The following NEDD4L variants were observed in gnomAD, a reference collection of about 807,000 sequenced individuals.
NEDD4L encodes NEDD4 like E3 ubiquitin protein ligase.
NEDD4L carries 54 observed loss-of-function variants against 148.9 expected under a neutral mutation model. That is an observed-to-expected ratio of 0.36 (90% CI 0.29 to 0.45). The LOEUF is 0.45. NEDD4L is among the 20% of genes least tolerant of loss of function. The pLI, the probability that NEDD4L is intolerant of heterozygous loss-of-function variation, is 1.00. For missense variants in NEDD4L, 856 were observed against 1,233.8 expected (o/e 0.69, Z 4.59); for synonymous variants, 433 against 440.7 (o/e 0.98, Z 0.22).
At chr18:58,299,087 A>G (rs915794449) in intron 5 of NEDD4L, among the ~76,000 whole-genome samples, 5 of 152,338 alleles carry the variant, frequency 3.3e-5, no homozygotes, top group South Asian at 2.1e-4. Context: ...GCTCAGCACA[A>G]TTTGGTCTTG....
chr18:58,289,378 G>A (rs1452056178), intron 5 of NEDD4L, among the ~76,000 whole-genome samples: 1 of 152,208 alleles, frequency 6.6e-6, no homozygotes, highest in Non-Finnish European at 1.5e-5. Flanking sequence ...CAGCCTTGGA[G>A]TATATGGCCT....
chr18:58,354,234 T>C (rs533119883), intron 18 of NEDD4L, among the ~76,000 whole-genome samples: 3 of 152,298 alleles, frequency 2.0e-5, no homozygotes, highest in African/African-American at 4.8e-5. Context: ...AGCTGAGTAA[T>C]TGGCCACAGG....
In NEDD4L at chr18:58,322,489, G is replaced by C. The variant is rs1239362722; in HGVS notation, c.410+3G>C. Reference sequence around the variant, plus strand: ...GACTTTCTCCTCAGACCAAGAAGGTGAGGCTTGTGGGTATGGGTGGGTGGG... The same window carrying C: ...GACTTTCTCCTCAGACCAAGAAGGTCAGGCTTGTGGGTATGGGTGGGTGGG... On this transcript the variant is annotated splice_donor_region_variant and intron_variant, in intron 7 of 30. Coordinates refer to ENST00000400345, the MANE Select transcript of NEDD4L (RefSeq NM_001144967.3). The C allele has an allele frequency of 6.9e-7, 1 of 1,456,726 alleles. No homozygotes were observed. Among genetic ancestry groups the C allele is most frequent in the East Asian group, 2.3e-5 (1 of 43,344 alleles). The allele number at this position is 1,456,726 out of a possible 1,614,324, so 90.2% of individuals were successfully genotyped here. A position where few individuals can be genotyped will look rare whatever the true frequency, so the allele number is the denominator to read the frequency against.
At chr18:58,150,602 T>C (rs1313501161) in intron 1 of NEDD4L, among the ~76,000 whole-genome samples, 3 of 152,180 alleles carry the variant, frequency 2.0e-5, no homozygotes, top group African/African-American at 7.2e-5. Context: ...AAAAGCACTC[T>C]GATTTGGACT....
At chr18:58,051,653 G>A (rs1349617259) in intron 1 of NEDD4L, among the ~76,000 whole-genome samples, 2 of 152,202 alleles carry the variant, frequency 1.3e-5, no homozygotes, top group African/African-American at 4.8e-5. Flanking sequence ...TCTTAGATGA[G>A]TAGCAGCAGT....
chr18:58,194,005 T>G (rs1385815532), intron 2 of NEDD4L: 1 of 152,324 alleles, frequency 6.6e-6, no homozygotes, highest in Non-Finnish European at 1.5e-5. Context: ...AATTTCATTC[T>G]GTGTCACCGC....
intron 1 of NEDD4L, among the ~76,000 whole-genome samples, chr18:58,095,320 G>A (rs562459693): frequency 2.0e-5 from 3 of 152,326 alleles, no homozygotes; most frequent in South Asian, 2.1e-4. Flanking sequence ...CCAGGTGCTC[G>A]CTCTGGGAAG....
rs572033410 is a variant in NEDD4L, at chr18:58,246,278, G to T, written c.204+770G>T. Among the ~76,000 whole-genome samples the T allele has an allele frequency of 5.9e-5, 9 of 152,060 alleles. No individual in the cohort carries two copies. The South Asian group carries it at 1.9e-3, about 32-fold the overall frequency. ...AATGGAGCTGTTTGTGGAATTGGTAGGCACACCAGGAATAGTTTAACTTGA... is the reference window on the plus strand; with the variant it reads ...AATGGAGCTGTTTGTGGAATTGGTATGCACACCAGGAATAGTTTAACTTGA... On this transcript the variant is annotated intron_variant, in intron 3 of 30. Coordinates refer to ENST00000400345, the MANE Select transcript of NEDD4L (RefSeq NM_001144967.3).
At chr18:58,353,520 C>A (rs544962091) in intron 18 of NEDD4L, among the ~76,000 whole-genome samples, 1 of 152,312 alleles carries the variant, frequency 6.6e-6, no homozygotes, top group South Asian at 2.1e-4. Context: ...ACGTTTCTAC[C>A]ATCGCTCCAT....
intron 20 of NEDD4L, among the ~76,000 whole-genome samples, chr18:58,365,277 A>G (rs950556599): frequency 6.6e-6 from 1 of 152,198 alleles, no homozygotes; most frequent in Non-Finnish European, 1.5e-5. Context: ...TTTGTGAGTC[A>G]TGTCCCCTGG....
intron 1 of NEDD4L, among the ~76,000 whole-genome samples, chr18:58,072,550 A>G (rs375990278): frequency 6.6e-6 from 1 of 152,224 alleles, no homozygotes; most frequent in Non-Finnish European, 1.5e-5. Context: ...GATGAAAACT[A>G]TCAACTAGTA....
chr18:58,177,986 G>A (rs1423461230), intron 2 of NEDD4L, among the ~76,000 whole-genome samples: 1 of 152,152 alleles, frequency 6.6e-6, no homozygotes, highest in East Asian at 1.9e-4. Context: ...CCTGTAAAAA[G>A]CCAGATACTA....
At chr18:58,084,643 C>T (rs572583014) in intron 1 of NEDD4L, among the ~76,000 whole-genome samples, 14 of 151,152 alleles carry the variant, frequency 9.3e-5, no homozygotes, top group Non-Finnish European at 1.8e-4. Context: ...GCCACCTGGC[C>T]ACCTTCTCAC....
Position 58,059,699 on chromosome 18 carries a change from C to G in NEDD4L, c.48+14991C>G, listed in dbSNP as rs566901465. On this transcript the variant is annotated intron_variant, in intron 1 of 30. Coordinates refer to ENST00000400345, the MANE Select transcript of NEDD4L (RefSeq NM_001144967.3). ...ATGTGCTACAGAAACAAACTCACCT[C>G]TTGTGGGACATGGTGACTCTGGTTA... 3.9e-5 allele frequency among the ~76,000 whole-genome samples: 6 copies of G among 152,258 alleles called. No individual in the cohort carries two copies. In the East Asian group the frequency reaches 1.2e-3, roughly 29 times the overall value.
chr18:58,358,125 A>G (rs1417374454), intron 19 of NEDD4L, among the ~76,000 whole-genome samples: 2 of 152,200 alleles, frequency 1.3e-5, no homozygotes, highest in African/African-American at 2.4e-5. Flanking sequence ...TAAAATTCCA[A>G]TTTCATGGCT....
At chr18:58,073,517 A>C (rs1163136949) in intron 1 of NEDD4L, among the ~76,000 whole-genome samples, 1 of 152,264 alleles carries the variant, frequency 6.6e-6, no homozygotes, top group Non-Finnish European at 1.5e-5. Context: ...GTATATCCAT[A>C]CAATGGGATA....
At chr18:58,224,254 G>A (rs900150634) in intron 2 of NEDD4L, among the ~76,000 whole-genome samples, 7 of 152,224 alleles carry the variant, frequency 4.6e-5, no homozygotes, top group African/African-American at 1.4e-4. Flanking sequence ...TGGAAACCCT[G>A]TCACGTTATC....
chr18:58,330,927 C>T lies in NEDD4L; in HGVS notation c.990+13C>T, dbSNP rs765640379. The T allele has an allele frequency of 3.3e-5, 53 of 1,610,936 alleles. No individual in the cohort carries two copies. In the South Asian group the frequency reaches 5.3e-4, roughly 16 times the overall value. ...CAGCTCTTTGATTGTAAGTAGTGGC[C>T]TTGTTTGAAAGAAAAGCTGAGCAAT... On this transcript the variant is annotated intron_variant, in intron 11 of 30. Coordinates refer to ENST00000400345, the MANE Select transcript of NEDD4L (RefSeq NM_001144967.3).
At chr18:58,300,783 A>G (rs1296278549) in intron 5 of NEDD4L, among the ~76,000 whole-genome samples, 1 of 152,212 alleles carries the variant, frequency 6.6e-6, no homozygotes, top group Non-Finnish European at 1.5e-5. Flanking sequence ...GGCCCAGTGG[A>G]CAAGGTTTGC....
Sources: gnomAD v4.1 joint callset for allele counts (sites outside exome capture counted in the v4.1 genomes callset) on GRCh38, gnomAD v4.1.1 for gene constraint, MANE v1.5 for transcripts, NCBI Gene and HGNC (gene_info 2026-07-23, HGNC 2026-07-21) for gene names.